The following FAM227B variants were observed in gnomAD, a reference collection of about 807,000 sequenced individuals.
FAM227B encodes protein FAM227B.
A neutral mutation model predicts 73.8 loss-of-function variants in FAM227B; 88 were observed. The observed-to-expected ratio is 1.19, with a 90% confidence interval of 1.00 to 1.42. FAM227B has a LOEUF of 1.42. FAM227B is among the 40% of genes most tolerant of loss of function. The pLI is 0.00. For missense variants in FAM227B, 632 were observed against 590.9 expected, an observed-to-expected ratio of 1.07 and a Z score of -0.72; for synonymous variants, 210 against 190.5, an observed-to-expected ratio of 1.10 and a Z score of -0.84.
At chr15:49,594,909 A>AT (rs1207310894) in intron 3 of FAM227B, among the ~76,000 whole-genome samples, 1 of 151,908 alleles carries the variant, frequency 6.6e-6, no homozygotes, top group African/African-American at 2.4e-5. Flanking sequence ...GCATGAAGGC[A>AT]TTTTTTTGGT....
intron 11 of FAM227B, among the ~76,000 whole-genome samples, chr15:49,379,421 G>A (rs2046377159): frequency 6.6e-6 from 1 of 151,946 alleles, no homozygotes. Context: ...TGAGATCCTG[G>A]GCTTTTCTTT....
At chr15:49,526,010 G>T (rs929387737) in intron 10 of FAM227B, among the ~76,000 whole-genome samples, 1 of 151,782 alleles carries the variant, frequency 6.6e-6, no homozygotes, top group African/African-American at 2.4e-5. Context: ...AGAAAATCAA[G>T]AAAGGAACTC....
Position 49,500,389 on chromosome 15 carries a change from C to T in FAM227B, c.1012+7822G>A, listed in dbSNP as rs567234011. Among the ~76,000 whole-genome samples, 5 of 152,328 alleles carry T rather than the reference C, an allele frequency of 3.3e-5. No individual in the cohort carries two copies. In the East Asian group the frequency reaches 9.6e-4, roughly 29 times the overall value. On this transcript the variant is annotated intron_variant, in intron 11 of 15. Transcript: ENST00000299338. ...CACAAAGCCACAGGGGTGAAGCTGCCCAAGGCCTTTGGTGCCCATCCTTTG... is the reference window on the plus strand; with the variant it reads ...CACAAAGCCACAGGGGTGAAGCTGCTCAAGGCCTTTGGTGCCCATCCTTTG...
chr15:49,603,460 C>T (rs538171146), intron 3 of FAM227B, among the ~76,000 whole-genome samples: 36 of 152,066 alleles, frequency 2.4e-4, no homozygotes, highest in African/African-American at 7.2e-4. Context: ...TATAGAAATG[C>T]TGATTTTTGT....
chr15:49,589,110 T>C (rs2076370876), intron 4 of FAM227B, among the ~76,000 whole-genome samples: 1 of 152,144 alleles, frequency 6.6e-6, no homozygotes, highest in South Asian at 2.1e-4. Context: ...GTTATACAAA[T>C]ATTGAAAAGA....
At chr15:49,394,546 T>C (rs567649710) in intron 11 of FAM227B, among the ~76,000 whole-genome samples, 1 of 152,308 alleles carries the variant, frequency 6.6e-6, no homozygotes, top group Admixed American at 6.5e-5. Flanking sequence ...TATATAATTA[T>C]GAATTTAAAA....
Position 49,351,414 on chromosome 15 carries a change from T to A in FAM227B, c.1272-15918A>T, listed in dbSNP as rs139718596. Among the ~76,000 whole-genome samples the A allele has an allele frequency of 6.4e-3, 968 of 152,252 alleles. 13 individuals carry two copies. The highest frequency in any genetic ancestry group is 0.022 in the African/African-American group (912 of 41,544). Reference sequence around the variant, plus strand: ...TGCAACTCCAAGTCATGACAGCAAATGAGATCTTACCATAGGACAATGTTG... The same window carrying A: ...TGCAACTCCAAGTCATGACAGCAAAAGAGATCTTACCATAGGACAATGTTG... On this transcript the variant is annotated intron_variant, in intron 13 of 15. Transcript: ENST00000299338.
At chr15:49,329,473 C>CAGAT in intron 15 of FAM227B, 2 of 985,166 alleles carry the variant, frequency 2.0e-6, no homozygotes, top group Non-Finnish European at 2.4e-6. Flanking sequence ...GTTTAACTCA[C>CAGAT]AGATTGGGCA....
chr15:49,460,168 G>C (rs901386222), intron 11 of FAM227B, among the ~76,000 whole-genome samples: 7 of 152,066 alleles, frequency 4.6e-5, no homozygotes, highest in African/African-American at 1.7e-4. Flanking sequence ...AGGAAGAAAA[G>C]TGATACTATT....
At chr15:49,330,597 A>G (rs569400906) in intron 15 of FAM227B, 2 of 152,302 alleles carry the variant, frequency 1.3e-5, no homozygotes, top group East Asian at 3.9e-4. Flanking sequence ...AACTGCTTGT[A>G]TAATAGTTTC....
chr15:49,455,292 A>G (rs2053178331), intron 11 of FAM227B, among the ~76,000 whole-genome samples: 1 of 152,174 alleles, frequency 6.6e-6, no homozygotes, highest in African/African-American at 2.4e-5. Flanking sequence ...TATAGCGCTT[A>G]TATTTGTTAT....
chr15:49,425,452 T>C (rs1246704029), intron 11 of FAM227B: 1 of 152,092 alleles, frequency 6.6e-6, no homozygotes, highest in African/African-American at 2.4e-5. Context: ...CCTCAACATG[T>C]ACATTAAGGA....
intron 12 of FAM227B, among the ~76,000 whole-genome samples, chr15:49,369,085 A>T (rs1289255012): frequency 6.6e-6 from 1 of 151,994 alleles, no homozygotes; most frequent in African/African-American, 2.4e-5. Flanking sequence ...CAGCCTTCCG[A>T]GTAGCTGGGA....
chr15:49,588,546 ACTATATATATAT>A (rs2076313546), intron 4 of FAM227B, among the ~76,000 whole-genome samples: 1 of 41,482 alleles, frequency 2.4e-5, no homozygotes, highest in African/African-American at 9.2e-5. Flanking sequence ...CATATTGAGG[ACTATATATATAT>A]ATATATATAT....
At chr15:49,339,241 C>T (rs1052099515) in intron 13 of FAM227B, among the ~76,000 whole-genome samples, 5 of 152,156 alleles carry the variant, frequency 3.3e-5, no homozygotes, top group Non-Finnish European at 2.9e-5. Context: ...AGTCTTTTTG[C>T]GCTGGTTTCT....
At chr15:49,601,955 T>C (rs1020890290) in intron 3 of FAM227B, among the ~76,000 whole-genome samples, 1 of 152,232 alleles carries the variant, frequency 6.6e-6, no homozygotes, top group Non-Finnish European at 1.5e-5. Flanking sequence ...TCCATCTATG[T>C]TGTGTGGATA....
At chr15:49,409,928 C>G (rs148306719) in intron 11 of FAM227B, among the ~76,000 whole-genome samples, 1 of 152,232 alleles carries the variant, frequency 6.6e-6, no homozygotes, top group African/African-American at 2.4e-5. Flanking sequence ...AGATTAGTCT[C>G]TTTCTGTTTT....
chr15:49,475,158 G>A (rs1436394455), intron 11 of FAM227B, among the ~76,000 whole-genome samples: 1 of 152,118 alleles, frequency 6.6e-6, no homozygotes, highest in Non-Finnish European at 1.5e-5. Flanking sequence ...TGTATGATTA[G>A]TGAAACATGA....
At chr15:49,550,170 A>C (rs1406387353) in intron 9 of FAM227B, among the ~76,000 whole-genome samples, 5 of 101,780 alleles carry the variant, frequency 4.9e-5, no homozygotes, top group Admixed American at 3.1e-4. Flanking sequence ...TGATCCCCCC[A>C]CCTCCCTCCT....
Sources: gnomAD v4.1 joint callset for allele counts (sites outside exome capture counted in the v4.1 genomes callset) on GRCh38, gnomAD v4.1.1 for gene constraint, MANE v1.5 for transcripts, NCBI Gene and HGNC (gene_info 2026-07-23, HGNC 2026-07-21) for gene names.